Variants in PREP observed in about 807,000 individuals in gnomAD.
PREP encodes prolyl endopeptidase, also known as dJ355L5.1 (prolyl endopeptidase).
A neutral mutation model predicts 87.6 loss-of-function variants in PREP; 29 were observed. That is an observed-to-expected ratio of 0.33 (90% CI 0.25 to 0.45). The LOEUF is 0.45. Ranked by LOEUF, PREP falls within the 20% of genes least tolerant of loss-of-function variation. PREP has a pLI of 1.00. For synonymous variants in PREP, 337 were observed against 328.6 expected, an observed-to-expected ratio of 1.03 and a Z score of -0.28; for missense variants, 695 against 886.5, an observed-to-expected ratio of 0.78 and a Z score of 2.74.
chr6:105,325,257 T>G (rs144715034), intron 9 of PREP, among the ~76,000 whole-genome samples: 16 of 152,250 alleles, frequency 1.1e-4, no homozygotes, highest in Admixed American at 2.6e-4. Context: ...AGACCAAGCA[T>G]GCACCATTTG....
At chr6:105,292,716 T>C (rs1290005778) in intron 10 of PREP, among the ~76,000 whole-genome samples, 2 of 152,228 alleles carry the variant, frequency 1.3e-5, no homozygotes, top group Non-Finnish European at 2.9e-5. Context: ...TCTCCCAATA[T>C]AAGGCTGTTC....
At chr6:105,305,124 G>T (rs569323541) in intron 10 of PREP, among the ~76,000 whole-genome samples, 1 of 152,238 alleles carries the variant, frequency 6.6e-6, no homozygotes, top group Admixed American at 6.5e-5. Context: ...TTGTTTTATT[G>T]TAAGTAGAAA....
chr6:105,277,989 A>G lies in PREP; in HGVS notation c.*155T>C, dbSNP rs74865116. On this transcript the variant is annotated 3_prime_UTR_variant, in exon 15 of 15. Coordinates refer to ENST00000652536, the MANE Select transcript of PREP (RefSeq NM_002726.5). ...TTGCTAAAAAGGAGAAGCCTAAAAA[A>G]GATAAAATTCCCACGGCAGTTCTGT... 8.5e-3 allele frequency: 9,085 copies of G among 1,069,524 alleles called. 493 individuals are homozygous for G. In the East Asian group the frequency reaches 0.14, roughly 17 times the overall value. 66.3% of individuals were successfully genotyped at this position (1,069,524 alleles called of 1,614,324 possible). A position where few individuals can be genotyped will look rare whatever the true frequency, so the allele number is the denominator to read the frequency against.
intron 10 of PREP, among the ~76,000 whole-genome samples, chr6:105,293,362 T>C (rs1254320313): frequency 6.6e-6 from 1 of 152,126 alleles, no homozygotes; most frequent in African/African-American, 2.4e-5. Context: ...ACATACAATA[T>C]TTATCAATTA....
chr6:105,317,456 G>T, intron 10 of PREP, among the ~76,000 whole-genome samples: 1 of 152,060 alleles, frequency 6.6e-6, no homozygotes, highest in East Asian at 1.9e-4. Context: ...AAATAAGAGG[G>T]CTCCATTAGA....
At chr6:105,324,895 T>C (rs1337329675) in intron 9 of PREP, among the ~76,000 whole-genome samples, 1 of 152,198 alleles carries the variant, frequency 6.6e-6, no homozygotes, top group East Asian at 1.9e-4. Flanking sequence ...AGACAAACTG[T>C]TTTAAGGTTA....
At chr6:105,279,688 G>C (rs1329800903) in intron 14 of PREP, among the ~76,000 whole-genome samples, 1 of 152,202 alleles carries the variant, frequency 6.6e-6, no homozygotes, top group Non-Finnish European at 1.5e-5. Flanking sequence ...TTCCTAGCTA[G>C]TGTGGGCTGA....
intron 4 of PREP, among the ~76,000 whole-genome samples, chr6:105,375,871 G>C (rs969538794): frequency 6.6e-6 from 1 of 152,228 alleles, no homozygotes; most frequent in Non-Finnish European, 1.5e-5. Context: ...AGAAGCCCTA[G>C]AAGCTAATTT....
chr6:105,342,792 G>T (rs1398097398), intron 7 of PREP, among the ~76,000 whole-genome samples: 1 of 152,164 alleles, frequency 6.6e-6, no homozygotes, highest in Non-Finnish European at 1.5e-5. Flanking sequence ...GCTACAAAGA[G>T]AATAAAATAC....
intron 2 of PREP, among the ~76,000 whole-genome samples, chr6:105,378,749 T>A (rs1436974483): frequency 6.6e-6 from 1 of 152,232 alleles, no homozygotes; most frequent in Non-Finnish European, 1.5e-5. Context: ...GAAGATTTCA[T>A]CAGATGTCTA....
At chr6:105,291,173 T>A (rs990357892) in intron 10 of PREP, among the ~76,000 whole-genome samples, 1 of 152,216 alleles carries the variant, frequency 6.6e-6, no homozygotes, top group Non-Finnish European at 1.5e-5. Flanking sequence ...ATAACCTTTT[T>A]TGCTGGTGGA....
chr6:105,400,606 T>A (rs1367931359), intron 1 of PREP, among the ~76,000 whole-genome samples: 1 of 152,190 alleles, frequency 6.6e-6, no homozygotes, highest in East Asian at 1.9e-4. Flanking sequence ...AGTCCCATCC[T>A]CTTCTGTGTT....
chr6:105,312,941 C>T (rs1770789268), intron 10 of PREP, among the ~76,000 whole-genome samples: 1 of 152,148 alleles, frequency 6.6e-6, no homozygotes, highest in African/African-American at 2.4e-5. Flanking sequence ...GTACCCAACA[C>T]AGACAATGAC....
At chr6:105,345,797 C>A (rs1228365820) in intron 7 of PREP, among the ~76,000 whole-genome samples, 1 of 152,188 alleles carries the variant, frequency 6.6e-6, no homozygotes, top group East Asian at 1.9e-4. Flanking sequence ...GCCTCACCAG[C>A]CTCAGTTTCC....
At chr6:105,324,456 C>G (rs1049731550) in intron 9 of PREP, among the ~76,000 whole-genome samples, 1 of 152,202 alleles carries the variant, frequency 6.6e-6, no homozygotes, top group Non-Finnish European at 1.5e-5. Context: ...TTTAATGCTA[C>G]TACTTTCTAA....
In PREP at chr6:105,276,403, T is replaced by G. The variant is rs1769931595; in HGVS notation, c.*1741A>C. ...CCTCAGAAAGTATGGTTAGATTCTG[T>G]GCAACCTTGAAAATGCTCTGGACTC... On this transcript the variant is annotated 3_prime_UTR_variant, in exon 15 of 15. Transcript: ENST00000652536. Among the ~76,000 whole-genome samples, 1 of 152,258 alleles carries G rather than the reference T, an allele frequency of 6.6e-6. No individual in the cohort carries two copies. The highest frequency in any genetic ancestry group is 1.5e-5 in the Non-Finnish European group (1 of 68,038).
intron 1 of PREP, among the ~76,000 whole-genome samples, chr6:105,401,945 G>C (rs930752042): frequency 3.9e-5 from 6 of 152,182 alleles, no homozygotes; most frequent in African/African-American, 1.4e-4. Context: ...GAGAAATGTA[G>C]CTATTAGTAA....
intron 5 of PREP, among the ~76,000 whole-genome samples, chr6:105,371,715 T>C (rs905974500): frequency 2.0e-5 from 3 of 152,078 alleles, no homozygotes; most frequent in African/African-American, 7.2e-5. Flanking sequence ...TGATTGTCAT[T>C]GAGCTTTCAG....
intron 10 of PREP, among the ~76,000 whole-genome samples, chr6:105,295,081 C>G (rs930280947): frequency 5.3e-5 from 8 of 151,942 alleles, no homozygotes; most frequent in Non-Finnish European, 8.8e-5. Flanking sequence ...GAACTTAGGT[C>G]TTATGTCTTT....
Sources: gnomAD v4.1 joint callset for allele counts (sites outside exome capture counted in the v4.1 genomes callset) on GRCh38, gnomAD v4.1.1 for gene constraint, MANE v1.5 for transcripts, NCBI Gene and HGNC (gene_info 2026-07-23, HGNC 2026-07-21) for gene names.